The following SREK1 variants were observed in gnomAD, a reference collection of about 807,000 sequenced individuals.
SREK1 encodes splicing regulatory glutamine/lysine-rich protein 1.
Under a neutral mutation model 66.5 loss-of-function variants are expected in SREK1, and 13 were observed. That is an observed-to-expected ratio of 0.20 (90% CI 0.13 to 0.31). SREK1 has a LOEUF of 0.31. SREK1 is among the 10% of genes least tolerant of loss of function. The probability of loss-of-function intolerance (pLI) is 1.00; values close to 1 mark genes in which losing one functional copy is unlikely to be tolerated. For missense variants in SREK1, 607 were observed against 769.6 expected, an observed-to-expected ratio of 0.79 and a Z score of 2.50; for synonymous variants, 265 against 263.5, an observed-to-expected ratio of 1.01 and a Z score of -0.05.
Position 66,179,700 on chromosome 5 carries a change from T to G in SREK1, c.*832T>G, listed in dbSNP as rs1255069421. 6.6e-6 allele frequency: 1 copy of G among 152,526 alleles called. No homozygotes were observed. The highest frequency in any genetic ancestry group is 1.5e-5 in the Non-Finnish European group (1 of 67,956). 9.4% of individuals were successfully genotyped at this position (152,526 alleles called of 1,614,324 possible). ...CAGCTGTAGGTGGCAAAGGTGCCCT[T>G]ATAAAAAAGGAAACTGGCTTTTCAA... On this transcript the variant is annotated 3_prime_UTR_variant, in exon 12 of 12. Coordinates refer to ENST00000334121, the MANE Select transcript of SREK1 (RefSeq NM_001077199.3).
intron 7 of SREK1, 161 bp from the exon 8 acceptor site, chr5:66,169,890 C>T (rs1467032459): frequency 3.4e-5 from 17 of 497,972 alleles, no homozygotes; most frequent in Middle Eastern, 5.7e-4. Flanking sequence ...ATGAAATATC[C>T]GGTAAAGTTT....
chr5:66,165,794 AAAG>A (rs1745125367), intron 7 of SREK1: 2 of 152,280 alleles, frequency 1.3e-5, no homozygotes, highest in African/African-American at 4.8e-5. Flanking sequence ...TTGGGATTTT[AAAG>A]AAGGAGAAAG....
At chr5:66,153,668 G>T in intron 2 of SREK1, 72 bp downstream of exon 2, 1 of 1,594,980 alleles carries the variant, frequency 6.3e-7, no homozygotes. Flanking sequence ...CTTTCCTAGA[G>T]ATTGGCAAGT....
At chr5:66,161,655 A>G (rs1744782972) in intron 3 of SREK1, among the ~76,000 whole-genome samples, 1 of 152,234 alleles carries the variant, frequency 6.6e-6, no homozygotes, top group Non-Finnish European at 1.5e-5. Flanking sequence ...TTCAGTGTTA[A>G]TGAATCGACA....
rs1013369568 is a variant in SREK1 at position 66,145,702 on chromosome 5, T to C, written c.161+1165T>C. 4.6e-5 allele frequency among the ~76,000 whole-genome samples: 7 copies of C among 151,236 alleles called. No homozygotes were observed. The South Asian group carries it at 6.3e-4, about 14-fold the overall frequency. On this transcript the variant is annotated intron_variant, in intron 1 of 11. Coordinates refer to ENST00000334121, the MANE Select transcript of SREK1 (RefSeq NM_001077199.3). The stretch of plus-strand genomic sequence containing the variant: ...ATCCATGTTCCTTTTACGAGCATTT[T>C]GTCTGTTTTTGGCTACAGTTGATTA...
intron 9 of SREK1, among the ~76,000 whole-genome samples, chr5:66,171,247 CA>C (rs1745621866): frequency 6.6e-6 from 1 of 152,094 alleles, no homozygotes; most frequent in Non-Finnish European, 1.5e-5. Context: ...TTAAAAAGCA[CA>C]TTAAGAATTT....
At position 66,179,428 on chromosome 5, in the gene SREK1, C is replaced by T. The variant is rs1054620070; in HGVS notation, c.*560C>T. On this transcript the variant is annotated 3_prime_UTR_variant, in exon 12 of 12. Transcript: ENST00000334121. ...TCACTATTGTGTTTTCTTTTGCTCA[C>T]TGTTTAGGACAATTTTTCTTTAAAA... 1 of 152,444 alleles carries T rather than the reference C, an allele frequency of 6.6e-6. No individual in the cohort carries two copies. Among genetic ancestry groups the T allele is most frequent in the African/African-American group, 2.4e-5 (1 of 41,416 alleles). 9.4% of individuals were successfully genotyped at this position (152,444 alleles called of 1,614,324 possible).
chr5:66,144,735 C>G (rs1301867239), intron 1 of SREK1, 198 bp downstream of exon 1: 1 of 1,270,818 alleles, frequency 7.9e-7, no homozygotes, highest in Non-Finnish European at 1.0e-6. Context: ...GGGTTAACTA[C>G]TGCACGGAGC....
chr5:66,157,733 G>T, intron 2 of SREK1: 2 of 931,534 alleles, frequency 2.1e-6, no homozygotes, highest in Non-Finnish European at 2.6e-6. Context: ...CTTTGTTTTT[G>T]AAAGTAATAA....
chr5:66,170,625 G>A lies in SREK1; in HGVS notation c.1162G>A (p.Glu388Lys), dbSNP rs765754454. The A allele has an allele frequency of 1.2e-6, 2 of 1,611,266 alleles. No homozygotes were observed. The highest frequency in any genetic ancestry group is 1.7e-6 in the Non-Finnish European group (2 of 1,179,412). The change falls in exon 9 of 12, where the codon GAA becomes AAA. Residue 388 changes from glutamate (E) to lysine (K), a missense_variant. Glu to Lys is a moderately conservative substitution (Grantham distance 56). This residue lies in a region of SREK1 where 318 missense variants were observed against 310.3 expected (regional missense o/e 1.02). Coordinates refer to ENST00000334121, the MANE Select transcript of SREK1 (RefSeq NM_001077199.3). ...CACTCGAGAAAAGATCAAGGAAAAG[G>A]AAAGAGTGAAAGAGAAAGACAGGGA... The part of the protein sequence containing the change: ...KDTREKIKEK[E>K]RVKEKDREKE...
chr5:66,162,748 C>T (rs1744871037), intron 5 of SREK1, 156 bp downstream of exon 5: 2 of 601,094 alleles, frequency 3.3e-6, no homozygotes, highest in Non-Finnish European at 5.4e-6. Flanking sequence ...AGATACTTAC[C>T]ATTTTAGTCT....
chr5:66,170,642 A>G lies in SREK1; in HGVS notation c.1179A>G (p.Lys393=), dbSNP rs1366252589. 2 of 1,613,420 alleles carry G rather than the reference A, an allele frequency of 1.2e-6. No individual in the cohort carries two copies. The highest frequency in any genetic ancestry group is 3.3e-5 in the Admixed American group (2 of 59,902). The part of the protein sequence containing the change: ...KIKEKERVKE[K]DREKEREREK... ...AGGAAAAGGAAAGAGTGAAAGAGAAAGACAGGGAAAAGGAGAGAGAGAGGG... is the reference window on the plus strand; with the variant it reads ...AGGAAAAGGAAAGAGTGAAAGAGAAGGACAGGGAAAAGGAGAGAGAGAGGG... The change falls in exon 9 of 12, where the codon AAA becomes AAG. Residue 393 remains lysine, a synonymous_variant. Transcript: ENST00000334121.
At chr5:66,168,974 G>A (rs1355740372) in intron 7 of SREK1, 3 of 152,104 alleles carry the variant, frequency 2.0e-5, no homozygotes, top group Non-Finnish European at 4.4e-5. Flanking sequence ...CTTTATAGAG[G>A]AAGAAACTCA....
chr5:66,176,804 A>G (rs1372622673), intron 10 of SREK1, among the ~76,000 whole-genome samples: 3 of 152,092 alleles, frequency 2.0e-5, no homozygotes, highest in African/African-American at 4.8e-5. Flanking sequence ...GTACATAGGA[A>G]AGTTATTGAT....
intron 2 of SREK1, among the ~76,000 whole-genome samples, chr5:66,155,824 C>T (rs1455337309): frequency 1.3e-5 from 2 of 152,150 alleles, no homozygotes; most frequent in Non-Finnish European, 2.9e-5. Context: ...ATAAAACATG[C>T]CATTTCAAAA....
intron 2 of SREK1, chr5:66,158,877 G>A: frequency 2.3e-6 from 3 of 1,293,762 alleles, no homozygotes; most frequent in Non-Finnish European, 3.0e-6. Flanking sequence ...CACCGTCCTG[G>A]GAAAGCGTCC....
In SREK1 at chr5:66,174,636, C is replaced by T. The variant is rs1326403120; in HGVS notation, c.1485-310C>T. ...AAAATACACTTGAGAGAAGCAGAAACGCCACGCCATTAATATTTTTTCTAC... is the reference window on the plus strand; with the variant it reads ...AAAATACACTTGAGAGAAGCAGAAATGCCACGCCATTAATATTTTTTCTAC... On this transcript the variant is annotated intron_variant, in intron 9 of 11. Transcript: ENST00000334121. The T allele has an allele frequency of 5.2e-5, 10 of 192,268 alleles. 1 individual carries two copies. The highest frequency in any genetic ancestry group is 8.5e-5 in the Non-Finnish European group (8 of 94,522). 11.9% of individuals were successfully genotyped at this position (192,268 alleles called of 1,614,324 possible).
At chr5:66,151,681 C>T (rs931081414) in intron 1 of SREK1, among the ~76,000 whole-genome samples, 2 of 152,082 alleles carry the variant, frequency 1.3e-5, no homozygotes, top group Non-Finnish European at 2.9e-5. Flanking sequence ...TGAGTTAAGT[C>T]TGGATGTGCA....
intron 2 of SREK1, chr5:66,156,999 G>C: frequency 2.0e-6 from 2 of 985,186 alleles, no homozygotes; most frequent in Non-Finnish European, 2.4e-6. Context: ...TATAAGCTCT[G>C]TTATTTGGAG....
Sources: allele counts gnomAD v4.1 joint callset (sites outside exome capture counted in the v4.1 genomes callset), GRCh38; gene constraint gnomAD v4.1.1; regional missense constraint gnomAD v4.1.1; transcripts MANE v1.5; gene names NCBI Gene and HGNC (gene_info 2026-07-23, HGNC 2026-07-21).